Variants in ASTN2 observed in about 807,000 individuals in gnomAD.
The protein encoded by ASTN2 is astrotactin-2.
In ASTN2, 54 loss-of-function variants were observed where a neutral mutation model predicts 139.8. That is an observed-to-expected ratio of 0.39 (90% confidence interval 0.31 to 0.48). The LOEUF is 0.48. Ranked by LOEUF, ASTN2 falls within the 20% of genes least tolerant of loss-of-function variation. ASTN2 has a pLI of 0.95. For synonymous variants in ASTN2, 756 were observed against 719.5 expected, an observed-to-expected ratio of 1.05 and a Z score of -0.81; for missense variants, 1,565 against 1,725.1, an observed-to-expected ratio of 0.91 and a Z score of 1.64.
At chr9:117,301,721 T>C (rs975683463) in intron 1 of ASTN2, among the ~76,000 whole-genome samples, 11 of 152,302 alleles carry the variant, frequency 7.2e-5, no homozygotes, top group Admixed American at 5.2e-4. Context: ...CATTTCATCA[T>C]AGTAAAGTCC....
chr9:116,836,710 T>G (rs1179973728), intron 11 of ASTN2, among the ~76,000 whole-genome samples: 1 of 152,106 alleles, frequency 6.6e-6, no homozygotes. Flanking sequence ...CTGACCACCA[T>G]GTCTTTCCTT....
At chr9:117,377,025 T>C (rs1052448172) in intron 1 of ASTN2, among the ~76,000 whole-genome samples, 2 of 151,910 alleles carry the variant, frequency 1.3e-5, no homozygotes, top group African/African-American at 4.8e-5. Context: ...GGAAGGCAGG[T>C]GGATAAAGGA....
chr9:117,332,498 A>G (rs545665721), intron 1 of ASTN2, among the ~76,000 whole-genome samples: 71 of 152,182 alleles, frequency 4.7e-4, no homozygotes, highest in Non-Finnish European at 7.5e-4. Flanking sequence ...CCAGAGAGGC[A>G]GAGTTTGCAG....
At chr9:117,064,785 T>C (rs551756124) in intron 5 of ASTN2, among the ~76,000 whole-genome samples, 3 of 145,858 alleles carry the variant, frequency 2.1e-5, no homozygotes, top group African/African-American at 7.4e-5. Context: ...ATGTAACCCC[T>C]AGATCTATAT....
rs138382824 is a variant in ASTN2, at chr9:117,080,679, G to A, written c.1276+15365C>T. Among the ~76,000 whole-genome samples the A allele has an allele frequency of 7.1e-3, 1,077 of 152,200 alleles. 5 individuals carry two copies. Among genetic ancestry groups the A allele is most frequent in the Non-Finnish European group, 0.012 (794 of 68,012 alleles). Reference sequence around the variant, plus strand: ...TGGTTGAAGAAAAGGTAAAAACAATGAGCATACCACCACCAATAAGGTTGA... The same window carrying A: ...TGGTTGAAGAAAAGGTAAAAACAATAAGCATACCACCACCAATAAGGTTGA... On this transcript the variant is annotated intron_variant, in intron 5 of 22. Coordinates refer to ENST00000313400, the MANE Select transcript of ASTN2 (RefSeq NM_001365068.1).
At position 117,414,635 on chromosome 9, in the gene ASTN2, C is replaced by T; in HGVS notation, c.304G>A (p.Ala102Thr). Residue 102 changes from alanine to threonine, a missense_variant, in exon 1 of 23, where the codon GCC becomes ACC. Around this residue, in one of 4 missense-constraint regions of ASTN2, gnomAD observed 596 missense variants for 576.8 expected, o/e 1.03. Coordinates refer to ENST00000313400, the MANE Select transcript of ASTN2 (RefSeq NM_001365068.1). This position sits in a 1 kb window ranked among gnomAD's most constrained non-coding sequence, Gnocchi z 4.2. ...GAGCCAGGAGAGCCCGGGGACGCGGCGGCGGCGGCGGCTCCGGCCCCGGTC... is the reference window on the plus strand; with the variant it reads ...GAGCCAGGAGAGCCCGGGGACGCGGTGGCGGCGGCGGCTCCGGCCCCGGTC... ...AGTGAGAAAA[A>T]ASPGSPGSAG... is the part of the protein sequence containing the mutation. 12 of 1,397,160 alleles carry T rather than the reference C, an allele frequency of 8.6e-6. No homozygotes were observed. The highest frequency in any genetic ancestry group is 1.0e-5 in the Non-Finnish European group (11 of 1,080,046). The allele number at this position is 1,397,160 out of a possible 1,614,324, so 86.5% of individuals were successfully genotyped here. A position where few individuals can be genotyped will look rare whatever the true frequency, so the allele number is the denominator to read the frequency against.
chr9:117,379,031 C>A (rs532131001), intron 1 of ASTN2, among the ~76,000 whole-genome samples: 1 of 152,278 alleles, frequency 6.6e-6, no homozygotes, highest in South Asian at 2.1e-4. Context: ...CCCTCTTTGC[C>A]TTCCACCATG....
intron 13 of ASTN2, among the ~76,000 whole-genome samples, chr9:116,739,394 G>A (rs924891237): frequency 6.6e-6 from 1 of 152,088 alleles, no homozygotes; most frequent in African/African-American, 2.4e-5. Flanking sequence ...TTTTCCTCCT[G>A]CTCTGACTGT....
intron 16 of ASTN2, among the ~76,000 whole-genome samples, chr9:116,670,371 G>A (rs12351794): frequency 0.28 from 42,567 of 151,896 alleles, 6,809 homozygotes; most frequent in Admixed American, 0.42. Context: ...TAGAAGGGCT[G>A]GTCAAGTATG....
intron 10 of ASTN2, among the ~76,000 whole-genome samples, chr9:116,876,924 A>G (rs1833318276): frequency 6.6e-6 from 1 of 152,198 alleles, no homozygotes; most frequent in African/African-American, 2.4e-5. Context: ...CTAACACACA[A>G]TATCTCTGAG....
chr9:117,197,547 C>T (rs535984082), intron 3 of ASTN2: 27 of 152,256 alleles, frequency 1.8e-4, no homozygotes, highest in African/African-American at 5.8e-4. Flanking sequence ...GAGATAACCC[C>T]ACTGACTCCA....
In ASTN2 at chr9:116,607,580, T is replaced by C. The variant is rs139093009; in HGVS notation, c.3355+10744A>G. On this transcript the variant is annotated intron_variant, in intron 19 of 22. Transcript: ENST00000313400. The stretch of plus-strand genomic sequence containing the variant: ...GATTAGAGCACTGTTTCCTGGAAAA[T>C]AAAGAAGAATCTTGGATTTCTATTT... 6.3e-3 allele frequency among the ~76,000 whole-genome samples: 950 copies of C among 151,734 alleles called. 14 individuals are homozygous for C. The highest frequency in any genetic ancestry group is 0.022 in the African/African-American group (889 of 41,342).
intron 10 of ASTN2, among the ~76,000 whole-genome samples, chr9:116,884,309 T>A (rs1211553254): frequency 6.6e-6 from 1 of 152,104 alleles, no homozygotes; most frequent in East Asian, 1.9e-4. Context: ...CTGCTGCTAG[T>A]GTGAGAGGAC....
intron 16 of ASTN2, among the ~76,000 whole-genome samples, chr9:116,722,242 C>A (rs1228911262): frequency 4.9e-5 from 7 of 141,798 alleles, no homozygotes; most frequent in African/African-American, 1.5e-4. Context: ...GGTGCCACAA[C>A]ATCTGACGCA....
chr9:117,176,231 T>C (rs953185373), intron 3 of ASTN2, among the ~76,000 whole-genome samples: 1 of 152,172 alleles, frequency 6.6e-6, no homozygotes, highest in Non-Finnish European at 1.5e-5. Context: ...TGAGAGATTT[T>C]ATTCATTGCT....
intron 3 of ASTN2, among the ~76,000 whole-genome samples, chr9:117,198,992 T>G (rs1022209634): frequency 1.3e-5 from 2 of 152,234 alleles, no homozygotes; most frequent in Non-Finnish European, 2.9e-5. Context: ...GTTTTTTTCT[T>G]GTAAATATGT....
At chr9:117,197,074 T>C (rs1831530536) in intron 3 of ASTN2, 1 of 152,204 alleles carries the variant, frequency 6.6e-6, no homozygotes, top group African/African-American at 2.4e-5. Flanking sequence ...CGTACAAAGA[T>C]GTTTGTTGAC....
At chr9:116,587,092 A>G (rs1010561451) in intron 19 of ASTN2, among the ~76,000 whole-genome samples, 2 of 152,036 alleles carry the variant, frequency 1.3e-5, no homozygotes, top group Admixed American at 1.3e-4. Context: ...TGTAATCCCA[A>G]CACTTTGGGA....
intron 20 of ASTN2, among the ~76,000 whole-genome samples, chr9:116,457,411 G>T (rs1314783494): frequency 6.6e-6 from 1 of 152,040 alleles, no homozygotes; most frequent in Non-Finnish European, 1.5e-5. Flanking sequence ...GTGAAAGACA[G>T]CCCACAGAAT....
Sources: allele counts gnomAD v4.1 joint callset (sites outside exome capture counted in the v4.1 genomes callset), GRCh38; gene constraint gnomAD v4.1.1; regional missense constraint gnomAD v4.1.1; non-coding constraint Gnocchi (gnomAD v3.1); transcripts MANE v1.5; gene names NCBI Gene and HGNC (gene_info 2026-07-23, HGNC 2026-07-21).